NSD2: variants seen among roughly 807,000 people sequenced by gnomAD.
NSD2 encodes nuclear receptor binding SET domain protein 2, also known as histone-lysine N-methyltransferase NSD2.
A neutral mutation model predicts 139.0 loss-of-function variants in NSD2; 12 were observed. The ratio of observed to expected loss-of-function variants is 0.09; its 90% CI spans 0.06 to 0.14. The LOEUF is 0.14. NSD2 is among the 10% of genes least tolerant of loss of function. The pLI, the probability that NSD2 is intolerant of heterozygous loss-of-function variation, is 1.00. For missense variants in NSD2, 1,155 were observed against 1,745.0 expected, an observed-to-expected ratio of 0.66 and a Z score of 6.02; for synonymous variants, 669 against 648.7, an observed-to-expected ratio of 1.03 and a Z score of -0.48.
In NSD2 at chr4:1,901,378, A is replaced by T. The variant is rs1717154692; in HGVS notation, c.597+127A>T. 6.0e-6 allele frequency: 5 copies of T among 839,316 alleles called. No individual in the cohort carries two copies. In the South Asian group the frequency reaches 9.1e-5, roughly 15 times the overall value. The allele number at this position is 839,316 out of a possible 1,614,324, so 52.0% of individuals were successfully genotyped here. A position where few individuals can be genotyped will look rare whatever the true frequency, so the allele number is the denominator to read the frequency against. On this transcript the variant is annotated intron_variant, in intron 2 of 21. Transcript: ENST00000508803. ...GAGGACAGGCCTGGTACTTCCAGCCACTTGCCTGAGCCCTGGCTTTGGGTT... is the reference window on the plus strand; with the variant it reads ...GAGGACAGGCCTGGTACTTCCAGCCTCTTGCCTGAGCCCTGGCTTTGGGTT...
At chr4:1,891,244 T>G (rs1160300794) in intron 1 of NSD2, among the ~76,000 whole-genome samples, 2 of 152,180 alleles carry the variant, frequency 1.3e-5, no homozygotes, top group Non-Finnish European at 2.9e-5. Flanking sequence ...CATTCAGTGA[T>G]AGCAGGGCTG....
At chr4:1,938,565 TCTGGGTGCCCAGGCTGGG>T (rs1722735602) in intron 8 of NSD2, 33 bp downstream of exon 8, 2 of 1,546,846 alleles carry the variant, frequency 1.3e-6, no homozygotes, top group African/African-American at 1.4e-5. Flanking sequence ...CTTCTTGGCT[TCTGGGTGCCCAGGCTGGG>T]CTGGGTGGGT....
chr4:1,890,841 C>T (rs1715474966), intron 1 of NSD2, among the ~76,000 whole-genome samples: 1 of 151,950 alleles, frequency 6.6e-6, no homozygotes, highest in Non-Finnish European at 1.5e-5. Context: ...CAGGTGATCA[C>T]CTGCCTCAGC....
At chr4:1,923,094 C>T (rs1373638309) in intron 5 of NSD2, among the ~76,000 whole-genome samples, 1 of 152,004 alleles carries the variant, frequency 6.6e-6, no homozygotes, top group Non-Finnish European at 1.5e-5. Context: ...TGAACTTGGC[C>T]AGCATGGGAG....
intron 7 of NSD2, among the ~76,000 whole-genome samples, chr4:1,937,529 A>C (rs377268240): frequency 6.6e-6 from 1 of 151,490 alleles, no homozygotes; most frequent in South Asian, 2.1e-4. Context: ...GAGATAGCAC[A>C]TGATAAAAAG....
chr4:1,893,973 C>A (rs1577374267), intron 1 of NSD2: 1 of 152,252 alleles, frequency 6.6e-6, no homozygotes, highest in Non-Finnish European at 1.5e-5. Context: ...CTCTGTAGCC[C>A]AGGCTGCAGT....
At chr4:1,880,665 C>T (rs188541606) in intron 1 of NSD2, among the ~76,000 whole-genome samples, 211 of 151,520 alleles carry the variant, frequency 1.4e-3, no homozygotes, top group Admixed American at 2.6e-3. Flanking sequence ...GTTTAACAAC[C>T]AATCTACAGG....
In NSD2 at chr4:1,972,007, C is replaced by T. The variant is rs79935477; in HGVS notation, c.3373-2856C>T. On this transcript the variant is annotated intron_variant, in intron 18 of 21. Transcript: ENST00000508803. This position sits in a 1 kb window ranked among gnomAD's most constrained non-coding sequence, Gnocchi z 4.0. ...GCAGGACGCTCACGCCGCTCCTGTACCCCCAAGGCTGCGGGTGCTGGGTGA... is the reference window on the plus strand; with the variant it reads ...GCAGGACGCTCACGCCGCTCCTGTATCCCCAAGGCTGCGGGTGCTGGGTGA... Among the ~76,000 whole-genome samples, 68 of 152,318 alleles carry T rather than the reference C, an allele frequency of 4.5e-4. No homozygotes were observed. The East Asian group carries it at 0.012, about 27-fold the overall frequency.
chr4:1,943,302 C>T (rs1293380824), intron 9 of NSD2: 9 of 1,042,758 alleles, frequency 8.6e-6, no homozygotes, highest in Non-Finnish European at 1.0e-5. Context: ...CTTTAATGAA[C>T]GTTTCTGACT....
At chr4:1,872,031 G>T (rs1270468810) in intron 1 of NSD2, among the ~76,000 whole-genome samples, 1 of 151,086 alleles carries the variant, frequency 6.6e-6, no homozygotes, top group Non-Finnish European at 1.5e-5. Context: ...GGTGGGAGGG[G>T]CAGGTTGGGG....
chr4:1,891,656 T>A (rs1715560669), intron 1 of NSD2, among the ~76,000 whole-genome samples: 1 of 151,696 alleles, frequency 6.6e-6, no homozygotes, highest in Admixed American at 6.6e-5. Flanking sequence ...ATCGAGACCA[T>A]CCTGGCTAAC....
intron 9 of NSD2, chr4:1,941,679 A>G: frequency 9.6e-7 from 1 of 1,045,652 alleles, no homozygotes; most frequent in South Asian, 4.6e-5. Flanking sequence ...AGTGTGCATC[A>G]TGTTCCTTAT....
chr4:1,915,113 T>C (rs1188223612), intron 3 of NSD2, among the ~76,000 whole-genome samples: 16 of 121,794 alleles, frequency 1.3e-4, no homozygotes, highest in South Asian at 2.6e-4. Flanking sequence ...TTTTTTCTCT[T>C]TTTTTTTTTT....
At chr4:1,935,032 C>T (rs753604188) in intron 6 of NSD2, 112 bp from the exon 7 acceptor site, 20 of 653,338 alleles carry the variant, frequency 3.1e-5, no homozygotes, top group Non-Finnish European at 4.8e-5. Flanking sequence ...TTACAGGAAA[C>T]CCATCATGGG....
chr4:1,926,257 C>T (rs1009570826), intron 5 of NSD2, among the ~76,000 whole-genome samples: 14 of 149,614 alleles, frequency 9.4e-5, no homozygotes, highest in African/African-American at 1.5e-4. Context: ...CAGGTTCAAA[C>T]GATTCTCCTG....
chr4:1,969,588 T>G (rs1031798867), intron 18 of NSD2, among the ~76,000 whole-genome samples: 1 of 150,956 alleles, frequency 6.6e-6, no homozygotes, highest in South Asian at 2.1e-4. Flanking sequence ...GTGCCTGTTG[T>G]CCCAGCTACT....
At chr4:1,872,599 A>AGAGAGAGAGAGAGAGAGG (rs1713914425) in intron 1 of NSD2, among the ~76,000 whole-genome samples, 1 of 112,098 alleles carries the variant, frequency 8.9e-6, no homozygotes, top group Non-Finnish European at 1.8e-5. Flanking sequence ...TGTGAGAGAG[A>AGAGAGAGAGAGAGAGAGG]GAGAGAGAGA....
chr4:1,970,108 G>T (rs1221239117), intron 18 of NSD2, among the ~76,000 whole-genome samples: 1 of 152,180 alleles, frequency 6.6e-6, no homozygotes, highest in African/African-American at 2.4e-5. Flanking sequence ...CTGAGGAGAG[G>T]CACTGTGCAT....
In NSD2 at chr4:1,971,351, T is replaced by G. The variant is rs559914403; in HGVS notation, c.3373-3512T>G. On this transcript the variant is annotated intron_variant, in intron 18 of 21. Transcript: ENST00000508803. Reference sequence around the variant, plus strand: ...ACTGGGGATGAGATGCACCCTAAATTTAGGGCCTTCCCACTGGCCTATGGG... The same window carrying G: ...ACTGGGGATGAGATGCACCCTAAATGTAGGGCCTTCCCACTGGCCTATGGG... 2.0e-4 allele frequency among the ~76,000 whole-genome samples: 30 copies of G among 152,148 alleles called. No homozygotes were observed. In the South Asian group the frequency reaches 5.8e-3, roughly 30 times the overall value.
Sources: allele counts gnomAD v4.1 joint callset (sites outside exome capture counted in the v4.1 genomes callset), GRCh38; gene constraint gnomAD v4.1.1; non-coding constraint Gnocchi (gnomAD v3.1); transcripts MANE v1.5; gene names NCBI Gene and HGNC (gene_info 2026-07-23, HGNC 2026-07-21).